The following CLEC16A variants were observed in gnomAD, a reference collection of about 807,000 sequenced individuals.
The protein encoded by CLEC16A is protein CLEC16A.
In CLEC16A, 51 loss-of-function variants were observed where a neutral mutation model predicts 109.5. That is an observed-to-expected ratio of 0.47 (90% CI 0.37 to 0.59). The LOEUF (loss-of-function observed/expected upper bound fraction) is 0.59, where lower values mean the gene tolerates loss of function less well. CLEC16A is among the 20% of genes least tolerant of loss of function. The pLI is 0.00. For synonymous variants in CLEC16A, 673 were observed against 564.2 expected, an observed-to-expected ratio of 1.19 and a Z score of -2.73; for missense variants, 1,339 against 1,394.0, an observed-to-expected ratio of 0.96 and a Z score of 0.63.
intron 23 of CLEC16A, among the ~76,000 whole-genome samples, chr16:11,170,617 G>A (rs1288309325): frequency 2.0e-5 from 3 of 152,268 alleles, no homozygotes; most frequent in Middle Eastern, 3.4e-3. Context: ...CGGCCCACAC[G>A]TGGCCTTCCA....
At chr16:11,013,638 G>C (rs1353759257) in intron 11 of CLEC16A, among the ~76,000 whole-genome samples, 1 of 152,128 alleles carries the variant, frequency 6.6e-6, no homozygotes, top group Non-Finnish European at 1.5e-5. Flanking sequence ...TGTACCTATA[G>C]TCCCAGCTAT....
chr16:11,161,370 T>G (rs1010062727), intron 22 of CLEC16A, among the ~76,000 whole-genome samples: 2 of 152,138 alleles, frequency 1.3e-5, no homozygotes, highest in African/African-American at 4.8e-5. Context: ...GCGTGAGCCA[T>G]GAAGAATGGG....
chr16:11,091,797 C>T (rs1166282678), intron 19 of CLEC16A, among the ~76,000 whole-genome samples: 1 of 152,180 alleles, frequency 6.6e-6, no homozygotes, highest in Non-Finnish European at 1.5e-5. Context: ...TGCAGATGAT[C>T]TGCTAGGCTT....
In CLEC16A at chr16:10,982,887, A is replaced by G; in HGVS notation, c.967A>G (p.Ile323Val). The change falls in exon 10 of 24, where the codon ATT becomes GTT. Residue 323 changes from isoleucine (I) to valine (V), a missense_variant. By Grantham distance (29) the Ile-to-Val change is conservative (BLOSUM62 3). Around this residue, in one of 3 missense-constraint regions of CLEC16A, gnomAD observed 1,061 missense variants for 1,006.8 expected, o/e 1.05. Transcript: ENST00000409790. ...SLYLLSQVFL[I>V]IHHAPLVNSL... ...CTTTTTTTTCCGCCAGGTCTTCTTA[A>G]TTATACATCATGCACCGCTGGTGAA... is the stretch of plus-strand genomic sequence containing the variant. 6.3e-7 allele frequency: 1 copy of G among 1,597,116 alleles called. No individual in the cohort carries two copies. The highest frequency in any genetic ancestry group is 1.1e-5 in the South Asian group (1 of 90,636).
chr16:11,051,343 C>T (rs2047929820), intron 17 of CLEC16A, among the ~76,000 whole-genome samples, 170 bp from the exon 18 acceptor site: 1 of 152,184 alleles, frequency 6.6e-6, no homozygotes, highest in Non-Finnish European at 1.5e-5. Flanking sequence ...CATATTGCTC[C>T]CTTATCTGGC....
At chr16:11,157,382 T>A (rs1005332574) in intron 22 of CLEC16A, 5 of 293,848 alleles carry the variant, frequency 1.7e-5, no homozygotes, top group South Asian at 1.1e-4. Flanking sequence ...TCAGCACCAG[T>A]GCACAGGAAG....
chr16:11,099,268 A>G (rs759764364), intron 19 of CLEC16A, among the ~76,000 whole-genome samples: 5 of 152,230 alleles, frequency 3.3e-5, no homozygotes, highest in Non-Finnish European at 7.3e-5. Flanking sequence ...GGTCCCACAC[A>G]GTGGACAGGG....
chr16:11,063,956 T>G, intron 19 of CLEC16A, among the ~76,000 whole-genome samples: 1 of 143,888 alleles, frequency 6.9e-6, no homozygotes, highest in Admixed American at 7.0e-5. Flanking sequence ...TGGAAGGAAG[T>G]TGAAGGGAAG....
intron 3 of CLEC16A, among the ~76,000 whole-genome samples, chr16:10,968,112 C>T (rs533552402): frequency 6.6e-6 from 1 of 152,366 alleles, no homozygotes; most frequent in South Asian, 2.1e-4. Flanking sequence ...GCTGGTGCAG[C>T]ACTCACACAA....
At chr16:10,958,483 C>T (rs1285363917) in intron 2 of CLEC16A, among the ~76,000 whole-genome samples, 2 of 152,204 alleles carry the variant, frequency 1.3e-5, no homozygotes, top group African/African-American at 4.8e-5. Context: ...CAGCCAGGCT[C>T]TTCATCTCCC....
intron 19 of CLEC16A, among the ~76,000 whole-genome samples, chr16:11,094,756 GT>G (rs2050509524): frequency 6.6e-6 from 1 of 152,136 alleles, no homozygotes; most frequent in African/African-American, 2.4e-5. Context: ...TAGCTCAAAT[GT>G]GAAAAATTAG....
At chr16:11,107,777 G>T (rs892363172) in intron 19 of CLEC16A, among the ~76,000 whole-genome samples, 1 of 152,230 alleles carries the variant, frequency 6.6e-6, no homozygotes, top group East Asian at 1.9e-4. Context: ...TAGCTCCCAA[G>T]GAAACGTGAT....
chr16:11,106,356 A>G (rs1000429705), intron 19 of CLEC16A, among the ~76,000 whole-genome samples: 1 of 152,024 alleles, frequency 6.6e-6, no homozygotes, highest in Non-Finnish European at 1.5e-5. Flanking sequence ...TGTTTTGATC[A>G]TAGCTCACTG....
intron 17 of CLEC16A, chr16:11,048,170 G>A: frequency 6.6e-6 from 1 of 152,370 alleles, no homozygotes; most frequent in Non-Finnish European, 1.5e-5. Context: ...CACGCTTCTA[G>A]AGGAGGACAG....
At chr16:11,094,059 T>A (rs529360193) in intron 19 of CLEC16A, among the ~76,000 whole-genome samples, 1 of 152,154 alleles carries the variant, frequency 6.6e-6, no homozygotes, top group Non-Finnish European at 1.5e-5. Flanking sequence ...TGGTGGTTAA[T>A]TTCTGCCTTC....
At chr16:11,143,037 C>G (rs1328143520) in intron 22 of CLEC16A, among the ~76,000 whole-genome samples, 1 of 152,214 alleles carries the variant, frequency 6.6e-6, no homozygotes, top group South Asian at 2.1e-4. Context: ...TCTCGAACTT[C>G]TGACTTCAGG....
Position 10,971,265 on chromosome 16 carries a change from T to C in CLEC16A, c.598+35T>C, listed in dbSNP as rs759956126. 4.7e-6 allele frequency: 7 copies of C among 1,493,756 alleles called. No homozygotes were observed. The African/African-American group carries it at 9.6e-5, about 21-fold the overall frequency. The allele number at this position is 1,493,756 out of a possible 1,614,324, so 92.5% of individuals were successfully genotyped here. ...CTCATGGGCTTGTGTCTCGGCTGAT[T>C]TCTGACTTGGCAGCAAGCACTCACT... is the stretch of plus-strand genomic sequence containing the variant. On this transcript the variant is annotated intron_variant, in intron 5 of 23. Coordinates refer to ENST00000409790, the MANE Select transcript of CLEC16A (RefSeq NM_015226.3).
At chr16:10,992,052 C>T (rs1311621093) in intron 10 of CLEC16A, among the ~76,000 whole-genome samples, 2 of 152,190 alleles carry the variant, frequency 1.3e-5, no homozygotes, top group East Asian at 3.8e-4. Context: ...TGCCTGCTGA[C>T]CACTTGCTGG....
chr16:10,955,202 C>T (rs917554548), intron 1 of CLEC16A, among the ~76,000 whole-genome samples: 6 of 152,220 alleles, frequency 3.9e-5, no homozygotes, highest in South Asian at 2.1e-4. Context: ...TGTCACTTGC[C>T]GTGTCTGGCG....
Sources: allele counts gnomAD v4.1 joint callset (sites outside exome capture counted in the v4.1 genomes callset), GRCh38; gene constraint gnomAD v4.1.1; regional missense constraint gnomAD v4.1.1; transcripts MANE v1.5; gene names NCBI Gene and HGNC (gene_info 2026-07-23, HGNC 2026-07-21).